MAPK10: variants seen among roughly 807,000 people sequenced by gnomAD.
The protein encoded by MAPK10 is mitogen-activated protein kinase 10, also known as JNK3 alpha protein kinase.
In MAPK10, 25 loss-of-function variants were observed where a neutral mutation model predicts 59.3. The observed-to-expected ratio is 0.42, with a 90% confidence interval of 0.31 to 0.59. The LOEUF (loss-of-function observed/expected upper bound fraction) is 0.59. Ranked by LOEUF, MAPK10 falls within the 20% of genes least tolerant of loss-of-function variation. The probability of loss-of-function intolerance (pLI) is 0.15; values close to 1 mark genes in which losing one functional copy is unlikely to be tolerated. For missense variants in MAPK10, 351 were observed against 568.9 expected, an observed-to-expected ratio of 0.62 and a Z score of 3.90; for synonymous variants, 190 against 200.5, an observed-to-expected ratio of 0.95 and a Z score of 0.44.
upstream of MAPK10, among the ~76,000 whole-genome samples, chr4:86,457,531 C>T (rs906158916): frequency 6.6e-6 from 1 of 152,074 alleles, no homozygotes; most frequent in African/African-American, 2.4e-5. Flanking sequence ...AGCTGAGAAT[C>T]AAATCAAGAA....
At chr4:86,087,850 C>A (rs1222938293) in intron 9 of MAPK10, among the ~76,000 whole-genome samples, 1 of 151,788 alleles carries the variant, frequency 6.6e-6, no homozygotes, top group Non-Finnish European at 1.5e-5. Context: ...GTGTATATTA[C>A]ATTATAGACA....
In MAPK10 at chr4:86,011,748, T is replaced by C. The variant is rs1741447021; in HGVS notation, c.*5480A>G. ...TAACAAAAAGCTGTTGCTTTCTATA[T>C]TCCAACAGGAACTAGGTAAAACGAT... On this transcript the variant is annotated 3_prime_UTR_variant, in exon 14 of 14. Transcript: ENST00000641462. 2 of 152,212 alleles carry C rather than the reference T, an allele frequency of 1.3e-5. No individual in the cohort carries two copies. The highest frequency in any genetic ancestry group is 2.9e-5 in the Non-Finnish European group (2 of 68,032). 9.4% of individuals were successfully genotyped at this position (152,212 alleles called of 1,614,324 possible). A position where few individuals can be genotyped will look rare whatever the true frequency, so the allele number is the denominator to read the frequency against.
At chr4:86,375,410 C>A (rs951001793) in intron 1 of MAPK10, among the ~76,000 whole-genome samples, 1 of 152,052 alleles carries the variant, frequency 6.6e-6, no homozygotes, top group African/African-American at 2.4e-5. Context: ...TGAAGTTCAA[C>A]TACCAAAACT....
In MAPK10 at chr4:86,312,080, A is replaced by G. The variant is rs112363846; in HGVS notation, c.-7+42450T>C. On this transcript the variant is annotated intron_variant, in intron 2 of 13. Transcript: ENST00000641462. The stretch of plus-strand genomic sequence containing the variant: ...CAAGTCAGTACTATGTGCATTCTGT[A>G]CTAATAAATATATATGGACATAGAA... Among the ~76,000 whole-genome samples the G allele has an allele frequency of 5.6e-3, 854 of 152,226 alleles. 10 individuals carry two copies. Among genetic ancestry groups the G allele is most frequent in the African/African-American group, 0.02 (812 of 41,544 alleles).
At chr4:86,480,947 T>C (rs1753560988) in intron 1 of MAPK10, among the ~76,000 whole-genome samples, 2 of 152,180 alleles carry the variant, frequency 1.3e-5, no homozygotes, top group African/African-American at 4.8e-5. Flanking sequence ...GATCTAACAG[T>C]AACACAATGA....
At chr4:86,094,311 TTATATG>T (rs1280157768) in intron 9 of MAPK10, among the ~76,000 whole-genome samples, 1 of 151,974 alleles carries the variant, frequency 6.6e-6, no homozygotes, top group Non-Finnish European at 1.5e-5. Flanking sequence ...CTTGGCAAGG[TTATATG>T]TATATCTCTT....
In MAPK10 at chr4:86,103,215, G is replaced by A; in HGVS notation, c.396C>T (p.Pro132=). The change falls in exon 6 of 14, where the codon CCC becomes CCT. Residue 132 remains proline (P), a synonymous_variant. Transcript: ENST00000641462. ...CTTGGAACTCCTCCAGCGTTTTCTG[G>A]GGTGTGAAGACATTTAATAAACTAA... ...NIISLLNVFT[P]QKTLEEFQDV... 2 of 1,607,426 alleles carry A rather than the reference G, an allele frequency of 1.2e-6. No homozygotes were observed. The highest frequency in any genetic ancestry group is 2.7e-5 in the African/African-American group (2 of 74,814).
At chr4:86,168,588 C>T (rs1392060460) in intron 3 of MAPK10, among the ~76,000 whole-genome samples, 2 of 152,202 alleles carry the variant, frequency 1.3e-5, no homozygotes, top group Non-Finnish European at 2.9e-5. Context: ...CCCACCACAG[C>T]TCAAGGAGGC....
intron 3 of MAPK10, chr4:86,176,006 G>A (rs2075612365): frequency 6.6e-6 from 1 of 152,134 alleles, no homozygotes; most frequent in Non-Finnish European, 1.5e-5. Flanking sequence ...GAACAAAAGA[G>A]GAATTGAATG....
intron 1 of MAPK10, among the ~76,000 whole-genome samples, chr4:86,423,876 T>C (rs953201876): frequency 2.7e-5 from 4 of 150,304 alleles, no homozygotes; most frequent in Admixed American, 6.6e-5. Flanking sequence ...GAACAGGGAA[T>C]AGGCATAGAT....
At chr4:86,584,336 A>G (rs138423471) in intron 1 of MAPK10, among the ~76,000 whole-genome samples, 2 of 152,310 alleles carry the variant, frequency 1.3e-5, no homozygotes, top group Non-Finnish European at 2.9e-5. Context: ...AGTGACACTC[A>G]GGTATTAAAC....
At chr4:86,200,351 T>C (rs1302458183) in intron 2 of MAPK10, among the ~76,000 whole-genome samples, 1 of 151,996 alleles carries the variant, frequency 6.6e-6, no homozygotes, top group Non-Finnish European at 1.5e-5. Flanking sequence ...CTCCAAACAG[T>C]GTTCTAACTT....
chr4:86,572,083 C>T (rs553356325), intron 1 of MAPK10, among the ~76,000 whole-genome samples: 161 of 152,152 alleles, frequency 1.1e-3, no homozygotes, highest in African/African-American at 3.6e-3. Flanking sequence ...CAAAATCACA[C>T]AATTCTTATT....
intron 1 of MAPK10, among the ~76,000 whole-genome samples, chr4:86,488,402 T>C (rs771417646): frequency 9.2e-5 from 14 of 152,216 alleles, no homozygotes; most frequent in Non-Finnish European, 1.9e-4. Context: ...CTCAAGCCCC[T>C]TGTGCAAAGT....
rs111687721 is a variant in MAPK10, at chr4:86,101,324, C to T, written c.565-107G>A. 9.9e-4 allele frequency: 712 copies of T among 717,408 alleles called. 10 individuals carry two copies. In the African/African-American group the frequency reaches 0.011, roughly 11 times the overall value. The allele number at this position is 717,408 out of a possible 1,614,324, so 44.4% of individuals were successfully genotyped here. ...TTTGCAGTAGCACTGATGAGGTCCC[C>T]CTTGCCTACAGAGCTCTAAATAAGG... On this transcript the variant is annotated intron_variant, in intron 7 of 13. Coordinates refer to ENST00000641462, the MANE Select transcript of MAPK10 (RefSeq NM_138982.4).
chr4:86,214,588 C>T (rs796844342), intron 2 of MAPK10, among the ~76,000 whole-genome samples: 46 of 146,884 alleles, frequency 3.1e-4, no homozygotes, highest in Admixed American at 8.1e-4. Flanking sequence ...AAAGTTAACG[C>T]GCAAAAATCA....
chr4:86,099,042 A>G lies in MAPK10; in HGVS notation c.731-447T>C, dbSNP rs921562869. The G allele has an allele frequency of 5.9e-5, 9 of 153,404 alleles. No homozygotes were observed. The East Asian group carries it at 1.7e-3, about 29-fold the overall frequency. 9.5% of individuals were successfully genotyped at this position (153,404 alleles called of 1,614,324 possible). A position where few individuals can be genotyped will look rare whatever the true frequency, so the allele number is the denominator to read the frequency against. On this transcript the variant is annotated intron_variant, in intron 8 of 13. Transcript: ENST00000641462. ...GTTACAGAGAATAGGGCAACAAGAG[A>G]CCACCTTTTTTTTCAGGGGGCCAGG...
intron 4 of MAPK10, among the ~76,000 whole-genome samples, chr4:86,144,257 T>A: frequency 6.6e-6 from 1 of 152,314 alleles, no homozygotes; most frequent in Middle Eastern, 3.4e-3. Context: ...ACAGTTATTT[T>A]AAAGTATTTT....
At position 86,101,132 on chromosome 4, in the gene MAPK10, C is replaced by T; in HGVS notation, c.650G>A (p.Ser217Asn). The change falls in exon 8 of 14, where the codon AGC becomes AAC. Residue 217 changes from serine to asparagine, a missense_variant. Around this residue, in one of 5 missense-constraint regions of MAPK10, gnomAD observed 76 missense variants for 197.9 expected, o/e 0.38. Coordinates refer to ENST00000641462, the MANE Select transcript of MAPK10 (RefSeq NM_138982.4). The part of the protein sequence containing the change: ...DFGLARTAGT[S>N]FMMTPYVVTR... ...CACCACATATGGAGTCATCATGAAG[C>T]TTGTGCCTGCTGTCCTGGCCAGTCC... 1.2e-6 allele frequency: 2 copies of T among 1,613,958 alleles called. No individual in the cohort carries two copies. Among genetic ancestry groups the T allele is most frequent in the African/African-American group, 1.3e-5 (1 of 75,032 alleles).
Sources: allele counts gnomAD v4.1 joint callset (sites outside exome capture counted in the v4.1 genomes callset), GRCh38; gene constraint gnomAD v4.1.1; regional missense constraint gnomAD v4.1.1; transcripts MANE v1.5; gene names NCBI Gene and HGNC (gene_info 2026-07-23, HGNC 2026-07-21).